Variants in ITGA1 observed in about 807,000 individuals in gnomAD.
ITGA1 encodes integrin alpha-1.
A neutral mutation model predicts 145.9 loss-of-function variants in ITGA1; 85 were observed. The observed-to-expected ratio is 0.58, with a 90% confidence interval of 0.49 to 0.70. ITGA1 has a LOEUF of 0.70. Ranked by LOEUF, ITGA1 falls within the 30% of genes least tolerant of loss-of-function variation. The pLI, the probability that ITGA1 is intolerant of heterozygous loss-of-function variation, is 0.00. For missense variants in ITGA1, 1,351 were observed against 1,418.7 expected, an observed-to-expected ratio of 0.95 and a Z score of 0.77; for synonymous variants, 520 against 495.3, an observed-to-expected ratio of 1.05 and a Z score of -0.66.
At chr5:52,950,048 A>G (rs1751195426) in intron 28 of ITGA1, among the ~76,000 whole-genome samples, 1 of 152,214 alleles carries the variant, frequency 6.6e-6, no homozygotes, top group Admixed American at 6.5e-5. Context: ...CTTTGTCTTC[A>G]TCATACACAT....
intron 8 of ITGA1, among the ~76,000 whole-genome samples, chr5:52,888,842 G>A (rs1259714414): frequency 6.6e-6 from 1 of 152,188 alleles, no homozygotes; most frequent in Non-Finnish European, 1.5e-5. Flanking sequence ...CAGTGACTTG[G>A]GTGGTCCCAG....
intron 1 of ITGA1, among the ~76,000 whole-genome samples, chr5:52,818,277 T>C (rs1487838984): frequency 1.3e-5 from 2 of 152,146 alleles, no homozygotes; most frequent in Non-Finnish European, 2.9e-5. Context: ...TTCTGTTGAG[T>C]TGCTGGTGTG....
rs188445148 is a variant in ITGA1 at position 52,874,972 on chromosome 5, A to G, written c.625-6901A>G. On this transcript the variant is annotated intron_variant, in intron 6 of 28. Coordinates refer to ENST00000282588, the MANE Select transcript of ITGA1 (RefSeq NM_181501.2). ...AAAAATATTACTTTAAATAAGAATA[A>G]AATATACCAGGTCTTCCAATTAGTA... Among the ~76,000 whole-genome samples the G allele has an allele frequency of 1.3e-3, 202 of 152,324 alleles. 1 individual carries two copies. Among genetic ancestry groups the G allele is most frequent in the African/African-American group, 4.6e-3 (190 of 41,584 alleles).
At chr5:52,865,942 C>T (rs1749680371) in intron 6 of ITGA1, 125 bp downstream of exon 6, 1 of 681,122 alleles carries the variant, frequency 1.5e-6, no homozygotes, top group Admixed American at 3.7e-5. Context: ...ATTTTATATC[C>T]ATTTCCTGTT....
rs1457807271 is a variant in ITGA1 at position 52,881,973 on chromosome 5, A to G, written c.725A>G (p.Gln242Arg). Residue 242 changes from glutamine to arginine, a missense_variant, in exon 7 of 29, where the codon CAG becomes CGG. Coordinates refer to ENST00000282588, the MANE Select transcript of ITGA1 (RefSeq NM_181501.2). ...CTTGTTGCAGCAAAGAAAATAGTCC[A>G]GAGAGGTGGCCGCCAGACTATGACA... Reference protein sequence around the residue: ...EVLVAAKKIVQRGGRQTMTAL... With the variant: ...EVLVAAKKIVRRGGRQTMTAL... 6.2e-7 allele frequency: 1 copy of G among 1,613,916 alleles called. No individual in the cohort carries two copies. The highest frequency in any genetic ancestry group is 8.5e-7 in the Non-Finnish European group (1 of 1,179,870).
chr5:52,788,326 G>A lies in ITGA1; in HGVS notation c.-28G>A. The A allele has an allele frequency of 2.7e-6, 4 of 1,488,718 alleles. No individual in the cohort carries two copies. Among genetic ancestry groups the A allele is most frequent in the Non-Finnish European group, 3.6e-6 (4 of 1,124,806 alleles). 92.2% of individuals were successfully genotyped at this position (1,488,718 alleles called of 1,614,324 possible). ...CGGTCCTGCCCTGCGAACCAGCGCG[G>A]CCCCCTGGCGCTGAGGCTGCTCCGG... On this transcript the variant is annotated 5_prime_UTR_variant, in exon 1 of 29. Transcript: ENST00000282588.
intron 9 of ITGA1, among the ~76,000 whole-genome samples, chr5:52,896,568 A>T (rs187197571): frequency 2.9e-4 from 44 of 152,302 alleles, no homozygotes; most frequent in Admixed American, 2.0e-3. Flanking sequence ...AAATTTGATT[A>T]TTCTCTTGCC....
At chr5:52,930,534 A>T (rs1469819825) in intron 21 of ITGA1, among the ~76,000 whole-genome samples, 1 of 152,136 alleles carries the variant, frequency 6.6e-6, no homozygotes, top group Non-Finnish European at 1.5e-5. Flanking sequence ...CCTGGGATAG[A>T]ATAAAAACAC....
chr5:52,859,939 A>G (rs968902534), intron 2 of ITGA1, among the ~76,000 whole-genome samples: 1 of 152,194 alleles, frequency 6.6e-6, no homozygotes, highest in Non-Finnish European at 1.5e-5. Context: ...TTTTGGCACT[A>G]AAATACGCTG....
intron 1 of ITGA1, among the ~76,000 whole-genome samples, chr5:52,795,260 T>C (rs113307640): frequency 0.024 from 3,704 of 151,732 alleles, 163 homozygotes; most frequent in African/African-American, 0.084. Flanking sequence ...GTGGAAGAGG[T>C]AGTAGACATG....
rs1447031390 is a variant in ITGA1 at position 52,929,705 on chromosome 5, G to A, written c.2771+4G>A. On this transcript the variant is annotated splice_donor_region_variant and intron_variant, in intron 21 of 28. Transcript: ENST00000282588. ...CCATTTATTTAAGTGCAACAAGGTT[G>A]GTTTACATGTGTATAAATGTATGTA... 2.0e-6 allele frequency: 3 copies of A among 1,528,200 alleles called. No individual in the cohort carries two copies. The highest frequency in any genetic ancestry group is 4.5e-5 in the East Asian group (2 of 44,214). The allele number at this position is 1,528,200 out of a possible 1,614,324, so 94.7% of individuals were successfully genotyped here. A position where few individuals can be genotyped will look rare whatever the true frequency, so the allele number is the denominator to read the frequency against.
At chr5:52,881,241 C>T (rs998496517) in intron 6 of ITGA1, among the ~76,000 whole-genome samples, 2 of 152,176 alleles carry the variant, frequency 1.3e-5, no homozygotes, top group Non-Finnish European at 2.9e-5. Context: ...CTTCATGGTG[C>T]CCTCTTCTTT....
At chr5:52,922,567 A>C (rs375981501) in intron 17 of ITGA1, among the ~76,000 whole-genome samples, 2 of 152,170 alleles carry the variant, frequency 1.3e-5, no homozygotes, top group East Asian at 1.9e-4. Flanking sequence ...AACAGGTCAT[A>C]CTCTGAAACC....
chr5:52,810,674 A>C (rs6881900), intron 1 of ITGA1, among the ~76,000 whole-genome samples: 1,794 of 152,202 alleles, frequency 0.012, 38 homozygotes, highest in African/African-American at 0.041. Flanking sequence ...CTCATTAAAT[A>C]CACTAGTAGG....
intron 12 of ITGA1, 113 bp from the exon 13 acceptor site, chr5:52,908,785 C>T: frequency 8.8e-7 from 1 of 1,142,276 alleles, no homozygotes; most frequent in East Asian, 2.5e-5. Context: ...CTTTCATTTC[C>T]TTTGCCAACT....
intron 17 of ITGA1, among the ~76,000 whole-genome samples, chr5:52,920,987 GTT>G (rs70974477): frequency 0.47 from 70,518 of 149,232 alleles, 17,016 homozygotes; most frequent in Non-Finnish European, 0.53. Context: ...TGCTACTTCA[GTT>G]TTTTTTTTTT....
In ITGA1 at chr5:52,839,638, A is replaced by G. The variant is rs1580056228; in HGVS notation, c.62-9727A>G. Among the ~76,000 whole-genome samples, 14 of 152,316 alleles carry G rather than the reference A, an allele frequency of 9.2e-5. No homozygotes were observed. The South Asian group carries it at 2.9e-3, about 32-fold the overall frequency. ...TTAAATGAATTTTATTAATTAACAT[A>G]TAATTTCTTCTCAGTAAGATATGTG... On this transcript the variant is annotated intron_variant, in intron 1 of 28. Coordinates refer to ENST00000282588, the MANE Select transcript of ITGA1 (RefSeq NM_181501.2).
At chr5:52,887,579 A>G (rs1304641904) in intron 7 of ITGA1, among the ~76,000 whole-genome samples, 1 of 152,110 alleles carries the variant, frequency 6.6e-6, no homozygotes, top group Admixed American at 6.5e-5. Context: ...CTGCCTTTTT[A>G]TATATAGGAT....
intron 6 of ITGA1, among the ~76,000 whole-genome samples, chr5:52,869,640 T>C (rs1282357395): frequency 6.6e-6 from 1 of 152,214 alleles, no homozygotes; most frequent in African/African-American, 2.4e-5. Context: ...GCCCAGTGGT[T>C]TACTGTGGCA....
Sources: gnomAD v4.1 joint callset for allele counts (sites outside exome capture counted in the v4.1 genomes callset) on GRCh38, gnomAD v4.1.1 for gene constraint, MANE v1.5 for transcripts, NCBI Gene and HGNC (gene_info 2026-07-23, HGNC 2026-07-21) for gene names.